The following ROBO2 variants were observed in gnomAD, a reference collection of about 807,000 sequenced individuals.
ROBO2 encodes roundabout homolog 2.
A neutral mutation model predicts 160.8 loss-of-function variants in ROBO2; 53 were observed. The ratio of observed to expected loss-of-function variants is 0.33; its 90% CI spans 0.26 to 0.41. The LOEUF (loss-of-function observed/expected upper bound fraction) is 0.41. Ranked by LOEUF, ROBO2 falls within the 10% of genes least tolerant of loss-of-function variation. The probability of loss-of-function intolerance (pLI) is 1.00; values close to 1 mark genes in which losing one functional copy is unlikely to be tolerated. For synonymous variants in ROBO2, 664 were observed against 611.7 expected (o/e 1.09, Z -1.26); for missense variants, 1,577 against 1,722.4 (o/e 0.92, Z 1.49).
chr3:76,526,434 TAGAC>T (rs1476198342), intron 2 of ROBO2, among the ~76,000 whole-genome samples: 1 of 152,062 alleles, frequency 6.6e-6, no homozygotes, highest in Non-Finnish European at 1.5e-5. Flanking sequence ...ATATAGATAT[TAGAC>T]AGGGTTTGTT....
intron 2 of ROBO2, among the ~76,000 whole-genome samples, chr3:76,630,195 C>G (rs1232576872): frequency 1.3e-5 from 2 of 152,162 alleles, no homozygotes; most frequent in African/African-American, 4.8e-5. Flanking sequence ...GGCTGGGTTT[C>G]CTTCCACATC....
chr3:76,947,239 C>T (rs2078612916), intron 2 of ROBO2, among the ~76,000 whole-genome samples: 1 of 151,788 alleles, frequency 6.6e-6, no homozygotes, highest in Non-Finnish European at 1.5e-5. Flanking sequence ...ATATTTAACC[C>T]ATCTATTTAG....
At chr3:76,624,565 G>A (rs950215860) in intron 2 of ROBO2, among the ~76,000 whole-genome samples, 2 of 151,946 alleles carry the variant, frequency 1.3e-5, no homozygotes, top group Non-Finnish European at 2.9e-5. Flanking sequence ...TTGGAAAGCC[G>A]AGGCGGGCGG....
At chr3:77,198,122 G>A (rs1229866403) in intron 2 of ROBO2, among the ~76,000 whole-genome samples, 1 of 152,148 alleles carries the variant, frequency 6.6e-6, no homozygotes, top group African/African-American at 2.4e-5. Flanking sequence ...CAAATGAATC[G>A]ATTACTACGG....
In ROBO2 at chr3:77,157,165, C is replaced by T. The variant is rs369083957; in HGVS notation, c.388+58825C>T. Among the ~76,000 whole-genome samples the T allele has an allele frequency of 1.8e-4, 27 of 152,002 alleles. 1 individual carries two copies. Among genetic ancestry groups the T allele is most frequent in the Non-Finnish European group, 2.9e-4 (20 of 67,954 alleles). ...TGATTATATGTCTATAGAGGTGATG[C>T]GCCCCTATCTTTCTTATTATTCTCC... On this transcript the variant is annotated intron_variant, in intron 2 of 25. Coordinates refer to ENST00000461745, the Ensembl canonical transcript of ROBO2.
intron 2 of ROBO2, among the ~76,000 whole-genome samples, chr3:76,916,482 C>T (rs1191220293): frequency 6.6e-6 from 1 of 151,702 alleles, no homozygotes; most frequent in Non-Finnish European, 1.5e-5. Context: ...TTTGGGACTA[C>T]AGGCCCATGG....
At chr3:77,107,751 C>T (rs73112438) in intron 2 of ROBO2, among the ~76,000 whole-genome samples, 17,946 of 152,148 alleles carry the variant, frequency 0.12, 1,195 homozygotes, top group Middle Eastern at 0.2. Flanking sequence ...AGGCCGTTTC[C>T]TAGTAATGCA....
intron 2 of ROBO2, among the ~76,000 whole-genome samples, chr3:77,356,540 G>A (rs927984635): frequency 6.6e-6 from 1 of 152,096 alleles, no homozygotes; most frequent in Non-Finnish European, 1.5e-5. Flanking sequence ...CCATCCCTGG[G>A]TTCATGACTG....
At chr3:77,333,910 T>C (rs571079502) in intron 2 of ROBO2, among the ~76,000 whole-genome samples, 28 of 152,308 alleles carry the variant, frequency 1.8e-4, no homozygotes, top group African/African-American at 6.0e-4. Context: ...AGCAACAAGC[T>C]TCCCTGATTG....
chr3:77,099,905 A>G (rs1318512223), intron 2 of ROBO2, among the ~76,000 whole-genome samples: 4 of 152,106 alleles, frequency 2.6e-5, no homozygotes, highest in Non-Finnish European at 5.9e-5. Context: ...GTCATATTTG[A>G]AGAAACACTC....
At chr3:76,168,967 C>G (rs1459823460) in intron 2 of ROBO2, among the ~76,000 whole-genome samples, 1 of 151,494 alleles carries the variant, frequency 6.6e-6, no homozygotes, top group African/African-American at 2.4e-5. Flanking sequence ...CATTGATTTC[C>G]TAACTTTTAA....
intron 2 of ROBO2, among the ~76,000 whole-genome samples, chr3:76,385,065 G>T (rs1359612324): frequency 6.6e-6 from 1 of 152,054 alleles, no homozygotes; most frequent in African/African-American, 2.4e-5. Flanking sequence ...TGCAATTATG[G>T]CTCACTGCAG....
At chr3:77,309,145 C>T (rs1203801537) in intron 2 of ROBO2, among the ~76,000 whole-genome samples, 2 of 151,432 alleles carry the variant, frequency 1.3e-5, no homozygotes, top group Non-Finnish European at 2.9e-5. Context: ...GAACCACTGG[C>T]TTAAAATCTA....
chr3:77,292,991 G>A (rs571091634), intron 2 of ROBO2, among the ~76,000 whole-genome samples: 1 of 151,244 alleles, frequency 6.6e-6, no homozygotes, highest in Non-Finnish European at 1.5e-5. Context: ...AAAATTGACG[G>A]TTAAACGGGT....
At chr3:76,524,169 T>C (rs2081800818) in intron 2 of ROBO2, among the ~76,000 whole-genome samples, 1 of 152,058 alleles carries the variant, frequency 6.6e-6, no homozygotes, top group Non-Finnish European at 1.5e-5. Context: ...TGAATTTGTG[T>C]ACAAATCCTG....
intron 1 of ROBO2, among the ~76,000 whole-genome samples, chr3:77,084,201 G>A (rs745496738): frequency 6.6e-6 from 1 of 151,880 alleles, no homozygotes; most frequent in Non-Finnish European, 1.5e-5. Flanking sequence ...AATTTCAACA[G>A]CAGTGAGCGC....
intron 2 of ROBO2, among the ~76,000 whole-genome samples, chr3:76,114,611 T>C (rs1172588106): frequency 6.6e-6 from 1 of 152,086 alleles, no homozygotes; most frequent in Non-Finnish European, 1.5e-5. Context: ...AAAGTGGTTA[T>C]GTAATGTTCC....
At chr3:77,130,677 G>C (rs1035582115) in intron 2 of ROBO2, among the ~76,000 whole-genome samples, 6 of 152,138 alleles carry the variant, frequency 3.9e-5, no homozygotes, top group Non-Finnish European at 7.3e-5. Context: ...ATTAACTACA[G>C]TCACCATGCT....
At chr3:76,954,639 A>G (rs1247264023) in intron 2 of ROBO2, among the ~76,000 whole-genome samples, 1 of 152,226 alleles carries the variant, frequency 6.6e-6, no homozygotes, top group Non-Finnish European at 1.5e-5. Context: ...TTATAACAAC[A>G]TTGTATGAAT....
Sources: gnomAD v4.1 joint callset for allele counts (sites outside exome capture counted in the v4.1 genomes callset) on GRCh38, gnomAD v4.1.1 for gene constraint, MANE v1.5 for transcripts, NCBI Gene and HGNC (gene_info 2026-07-23, HGNC 2026-07-21) for gene names.